TDRD3: variants seen among roughly 807,000 people sequenced by gnomAD.
The protein encoded by TDRD3 is tudor domain containing 3.
Under a neutral mutation model 86.7 loss-of-function variants are expected in TDRD3, and 45 were observed. That is an observed-to-expected ratio of 0.52 (90% confidence interval 0.41 to 0.67). The LOEUF is 0.67. Among genes scored for constraint, TDRD3 ranks in the 30% least tolerant of loss-of-function variants. The pLI, the probability that TDRD3 is intolerant of heterozygous loss-of-function variation, is 0.00. For synonymous variants in TDRD3, 298 were observed against 301.7 expected (o/e 0.99, Z 0.13); for missense variants, 814 against 889.0 (o/e 0.92, Z 1.07).
At chr13:60,559,345 T>C (rs1347269548) in intron 12 of TDRD3, among the ~76,000 whole-genome samples, 5 of 152,306 alleles carry the variant, frequency 3.3e-5, no homozygotes, top group Middle Eastern at 3.4e-3. Context: ...TGCTGTGATA[T>C]AGTATCTCTT....
At chr13:60,460,710 G>C (rs1955783637) in intron 4 of TDRD3, 170 bp downstream of exon 4, 1 of 628,040 alleles carries the variant, frequency 1.6e-6, no homozygotes, top group South Asian at 2.8e-5. Context: ...TATAAAAATA[G>C]TTAAGAATAT....
At chr13:60,489,158 T>C (rs1007542231) in intron 7 of TDRD3, among the ~76,000 whole-genome samples, 23 of 152,180 alleles carry the variant, frequency 1.5e-4, no homozygotes, top group African/African-American at 5.3e-4. Flanking sequence ...CAAACCCCTC[T>C]CTCTTATATT....
chr13:60,424,388 A>C (rs1271656313), intron 1 of TDRD3, among the ~76,000 whole-genome samples: 1 of 151,748 alleles, frequency 6.6e-6, no homozygotes, highest in African/African-American at 2.4e-5. Flanking sequence ...TTTAAAGTGT[A>C]CAGTTCTGGC....
intron 8 of TDRD3, among the ~76,000 whole-genome samples, chr13:60,500,636 G>A (rs1376622566): frequency 2.0e-5 from 3 of 152,244 alleles, no homozygotes; most frequent in Non-Finnish European, 2.9e-5. Flanking sequence ...CATTTAAGGA[G>A]AAATGGCGAA....
At chr13:60,445,109 A>T (rs1955369246) in intron 3 of TDRD3, among the ~76,000 whole-genome samples, 1 of 152,134 alleles carries the variant, frequency 6.6e-6, no homozygotes, top group Non-Finnish European at 1.5e-5. Flanking sequence ...TGTTATGTTT[A>T]TTTAATGAAC....
At chr13:60,503,919 G>A (rs1206429231) in intron 8 of TDRD3, among the ~76,000 whole-genome samples, 3 of 152,120 alleles carry the variant, frequency 2.0e-5, no homozygotes, top group Non-Finnish European at 1.5e-5. Context: ...TAACCAGTTT[G>A]ACCATAAATG....
intron 12 of TDRD3, among the ~76,000 whole-genome samples, chr13:60,558,286 C>T (rs1395565310): frequency 6.6e-6 from 1 of 152,180 alleles, no homozygotes; most frequent in Non-Finnish European, 1.5e-5. Context: ...AATTCGTTAA[C>T]TCATCTTATA....
In TDRD3 at chr13:60,528,761, C is replaced by T; in HGVS notation, c.1536C>T (p.Ser512=). ...AAAGCAGATCAGGAAAAGGTCCCTC[C>T]TTTGCAGAGGCAAAAGAAAATCCAC... ...SMQSRSGKGP[S]FAEAKENPLP... The change falls in exon 11 of 14, where the codon TCC becomes TCT. Residue 512 remains serine, a synonymous_variant. Coordinates refer to ENST00000377881, the MANE Select transcript of TDRD3 (RefSeq NM_001146070.2). 6.2e-7 allele frequency: 1 copy of T among 1,613,440 alleles called. No individual in the cohort carries two copies. The highest frequency in any genetic ancestry group is 8.5e-7 in the Non-Finnish European group (1 of 1,179,842).
intron 1 of TDRD3, among the ~76,000 whole-genome samples, chr13:60,419,403 G>A (rs1418911607): frequency 2.6e-5 from 4 of 152,042 alleles, no homozygotes; most frequent in Non-Finnish European, 5.9e-5. Context: ...ATCACTGATA[G>A]CCTAAAGAAA....
chr13:60,495,465 G>A lies in TDRD3; in HGVS notation c.858+890G>A, dbSNP rs148386119. On this transcript the variant is annotated intron_variant, in intron 8 of 13. Coordinates refer to ENST00000377881, the MANE Select transcript of TDRD3 (RefSeq NM_001146070.2). ...CTCAGTGATCATTCAGGAATCAGAGGTATTTTTTTTTTTTTGAGATGGCAT... is the reference window on the plus strand; with the variant it reads ...CTCAGTGATCATTCAGGAATCAGAGATATTTTTTTTTTTTTGAGATGGCAT... 5.0e-3 allele frequency among the ~76,000 whole-genome samples: 756 copies of A among 151,860 alleles called. 3 individuals are homozygous for A. The highest frequency in any genetic ancestry group is 0.024 in the Middle Eastern group (7 of 294).
At chr13:60,431,472 T>A (rs1954951234) in intron 1 of TDRD3, among the ~76,000 whole-genome samples, 1 of 151,952 alleles carries the variant, frequency 6.6e-6, no homozygotes, top group Non-Finnish European at 1.5e-5. Context: ...AGAAATTTTT[T>A]AAATTTCCAT....
chr13:60,456,653 G>T (rs1388780857), intron 3 of TDRD3, among the ~76,000 whole-genome samples: 5 of 152,008 alleles, frequency 3.3e-5, no homozygotes, highest in Admixed American at 2.0e-4. Flanking sequence ...GTTGAAGAAA[G>T]ATTTAGAAAT....
chr13:60,529,089 A>C lies in TDRD3; in HGVS notation c.1864A>C (p.Ser622Arg). 1.2e-6 allele frequency: 2 copies of C among 1,614,074 alleles called. No individual in the cohort carries two copies. The highest frequency in any genetic ancestry group is 1.7e-6 in the Non-Finnish European group (2 of 1,179,956). ...VPCDDKIFYN[S>R]GPKRRSGPIK... is the part of the protein sequence containing the mutation. The stretch of plus-strand genomic sequence containing the variant: ...CTGTGATGATAAAATATTTTACAAT[A>C]GTGGGCCCAAACGAAGATCTGGGCC... The change falls in exon 11 of 14, where the codon AGT becomes CGT. Residue 622 changes from serine to arginine, a missense_variant. Physicochemically the swap from Ser to Arg is moderately radical, Grantham distance 110 (BLOSUM62 -1). Transcript: ENST00000377881.
At chr13:60,520,497 T>G (rs935061214) in intron 10 of TDRD3, among the ~76,000 whole-genome samples, 8 of 152,210 alleles carry the variant, frequency 5.3e-5, no homozygotes, top group Non-Finnish European at 1.2e-4. Context: ...AGGGCTCACC[T>G]AAACCCCATT....
chr13:60,459,790 T>G (rs532886848), intron 3 of TDRD3, among the ~76,000 whole-genome samples: 2 of 152,198 alleles, frequency 1.3e-5, no homozygotes, highest in Non-Finnish European at 2.9e-5. Flanking sequence ...CCAGCTAATT[T>G]TTGTATTTTT....
chr13:60,424,090 T>C (rs1329549910), intron 1 of TDRD3, among the ~76,000 whole-genome samples: 1 of 152,024 alleles, frequency 6.6e-6, no homozygotes, highest in Non-Finnish European at 1.5e-5. Context: ...GGCGCCATCT[T>C]GGCTCACTGC....
At chr13:60,557,904 C>A (rs1958238809) in intron 12 of TDRD3, among the ~76,000 whole-genome samples, 1 of 144,594 alleles carries the variant, frequency 6.9e-6, no homozygotes, top group Non-Finnish European at 1.5e-5. Flanking sequence ...CTCACTGCAA[C>A]CTCCACCTCC....
At chr13:60,554,423 C>T (rs1205163463) in intron 12 of TDRD3, among the ~76,000 whole-genome samples, 1 of 152,194 alleles carries the variant, frequency 6.6e-6, no homozygotes, top group Admixed American at 6.5e-5. Context: ...CAGTCTTACA[C>T]ATTGCTTTAC....
chr13:60,410,529 C>G (rs1200729965), intron 1 of TDRD3, among the ~76,000 whole-genome samples: 1 of 152,134 alleles, frequency 6.6e-6, no homozygotes, highest in Admixed American at 6.5e-5. Context: ...ACTGGCAACC[C>G]TTTGTGTCTG....
Sources: allele counts gnomAD v4.1 joint callset (sites outside exome capture counted in the v4.1 genomes callset), GRCh38; gene constraint gnomAD v4.1.1; transcripts MANE v1.5; gene names NCBI Gene and HGNC (gene_info 2026-07-23, HGNC 2026-07-21).